Variants in CC2D2A observed in about 807,000 individuals in gnomAD.
The protein encoded by CC2D2A is coiled-coil and C2 domain containing 2A.
In CC2D2A, 155 loss-of-function variants were observed where a neutral mutation model predicts 212.9. That is an observed-to-expected ratio of 0.73 (90% CI 0.64 to 0.83). CC2D2A has a LOEUF of 0.83. Among genes scored for constraint, CC2D2A ranks in the 40% least tolerant of loss-of-function variants. CC2D2A has a pLI of 0.00. For synonymous variants in CC2D2A, 667 were observed against 686.5 expected (o/e 0.97, Z 0.44); for missense variants, 1,856 against 1,956.2 (o/e 0.95, Z 0.97).
At position 15,527,450 on chromosome 4, in the gene CC2D2A, G is replaced by A. The variant is rs1401215213; in HGVS notation, c.1153G>A (p.Val385Ile). The A allele has an allele frequency of 6.8e-6, 11 of 1,611,586 alleles. No individual in the cohort carries two copies. Among genetic ancestry groups the A allele is most frequent in the South Asian group, 1.1e-5 (1 of 90,680 alleles). ...TACACTCTGCTTTCCTTGGCAGGCT[G>A]TAAAATACGTTCACAGTAGTCAGCA... ...AELETLYKKA[V>I]KYVHSSQHVI... The change falls in exon 12 of 37, where the codon GTA (valine) becomes ATA (isoleucine). Residue 385 changes from valine (V) to isoleucine (I), a missense_variant. Around this residue, in one of 5 missense-constraint regions of CC2D2A, gnomAD observed 1,512 missense variants for 1,579.3 expected, o/e 0.96. Coordinates refer to ENST00000424120, the MANE Select transcript of CC2D2A (RefSeq NM_001378615.1).
At chr4:15,584,681 A>G (rs1720788914) in intron 30 of CC2D2A, among the ~76,000 whole-genome samples, 1 of 152,220 alleles carries the variant, frequency 6.6e-6, no homozygotes, top group Non-Finnish European at 1.5e-5. Context: ...TCTGCACAGC[A>G]AAGGAAACAA....
At position 15,534,530 on chromosome 4, in the gene CC2D2A, T is replaced by C. The variant is rs182628649; in HGVS notation, c.1607+1197T>C. 8.4e-4 allele frequency among the ~76,000 whole-genome samples: 128 copies of C among 152,332 alleles called. 1 individual carries two copies. Among genetic ancestry groups the C allele is most frequent in the South Asian group, 5.0e-3 (24 of 4,832 alleles). ...ATAATATTTCTGCTACCTAATTCAC[T>C]AGACTTTTATATATGCTTAAGAGTA... On this transcript the variant is annotated intron_variant, in intron 14 of 36. Coordinates refer to ENST00000424120, the MANE Select transcript of CC2D2A (RefSeq NM_001378615.1).
At chr4:15,502,347 G>A in intron 4 of CC2D2A, 82 bp from the exon 5 acceptor site, 2 of 1,064,344 alleles carry the variant, frequency 1.9e-6, no homozygotes, top group Admixed American at 2.8e-5. Flanking sequence ...TTGGGGGGAG[G>A]GAATTGTTTT....
intron 21 of CC2D2A, among the ~76,000 whole-genome samples, chr4:15,557,816 G>C (rs369621606): frequency 7.9e-5 from 12 of 152,304 alleles, no homozygotes; most frequent in Middle Eastern, 3.4e-3. Flanking sequence ...AATATGGCTA[G>C]TTAATTATTA....
chr4:15,533,086 A>C, intron 13 of CC2D2A, 107 bp from the exon 14 acceptor site: 1 of 866,766 alleles, frequency 1.2e-6, no homozygotes, highest in Non-Finnish European at 1.7e-6. Context: ...TTGTTTCAAA[A>C]TACGGTAGCT....
At chr4:15,473,144 T>C (rs926662469) in intron 1 of CC2D2A, 3 of 152,206 alleles carry the variant, frequency 2.0e-5, no homozygotes, top group Non-Finnish European at 2.9e-5. Context: ...CAAGTATATA[T>C]TGAATGTCCA....
At chr4:15,591,516 G>A (rs1410808377) in intron 33 of CC2D2A, among the ~76,000 whole-genome samples, 2 of 152,136 alleles carry the variant, frequency 1.3e-5, no homozygotes, top group East Asian at 3.9e-4. Flanking sequence ...ACCGTGCCCA[G>A]CCCCATCAAC....
intron 17 of CC2D2A, among the ~76,000 whole-genome samples, chr4:15,542,206 G>C (rs1287050185): frequency 2.0e-5 from 3 of 152,138 alleles, no homozygotes; most frequent in African/African-American, 7.2e-5. Flanking sequence ...CGCATTCTGA[G>C]TTTCTGGGCG....
intron 2 of CC2D2A, 69 bp downstream of exon 2, chr4:15,476,040 G>A: frequency 7.1e-7 from 1 of 1,414,094 alleles, no homozygotes; most frequent in Non-Finnish European, 9.7e-7. Flanking sequence ...ACGTGTTTGT[G>A]AATGAGGAAG....
chr4:15,553,584 C>A (rs1202430439), intron 19 of CC2D2A, among the ~76,000 whole-genome samples: 2 of 152,202 alleles, frequency 1.3e-5, no homozygotes, highest in Admixed American at 1.3e-4. Flanking sequence ...GAGGTATTCT[C>A]TCCCCTATTT....
chr4:15,528,907 AT>A (rs1266513812), intron 13 of CC2D2A, among the ~76,000 whole-genome samples, 181 bp downstream of exon 13: 2 of 152,204 alleles, frequency 1.3e-5, no homozygotes, highest in African/African-American at 4.8e-5. Context: ...GTGAATGAGG[AT>A]GTAAGGAAAT....
In CC2D2A at chr4:15,599,283, T is replaced by C. The variant is rs543430814; in HGVS notation, c.4497-246T>C. 3.9e-4 allele frequency among the ~76,000 whole-genome samples: 59 copies of C among 152,346 alleles called. 1 individual carries two copies. Among genetic ancestry groups the C allele is most frequent in the African/African-American group, 1.4e-3 (57 of 41,574 alleles). On this transcript the variant is annotated intron_variant, in intron 35 of 36. Coordinates refer to ENST00000424120, the MANE Select transcript of CC2D2A (RefSeq NM_001378615.1). ...TCTGTTATAGCTCTTAGGATACACA[T>C]ACTTTCTATTTATAGGACTATTTCC...
chr4:15,492,987 A>C, intron 4 of CC2D2A: 1 of 441,958 alleles, frequency 2.3e-6, no homozygotes, highest in South Asian at 1.8e-5. Flanking sequence ...ATGCTTAATT[A>C]TTTAGGATGA....
At chr4:15,566,462 T>C (rs745391327) in intron 24 of CC2D2A, among the ~76,000 whole-genome samples, 2 of 151,624 alleles carry the variant, frequency 1.3e-5, no homozygotes, top group Non-Finnish European at 2.9e-5. Flanking sequence ...GAAAGGCAGG[T>C]CCCCCATTCA....
At chr4:15,593,071 T>G (rs553006306) in intron 33 of CC2D2A, among the ~76,000 whole-genome samples, 5 of 152,324 alleles carry the variant, frequency 3.3e-5, no homozygotes, top group African/African-American at 1.2e-4. Flanking sequence ...AATAACTAAC[T>G]AAATAGTATC....
intron 32 of CC2D2A, among the ~76,000 whole-genome samples, chr4:15,588,333 A>G (rs1720943487): frequency 6.6e-6 from 1 of 152,134 alleles, no homozygotes. Flanking sequence ...TTTCATGCCT[A>G]CTGCTTCTAT....
At chr4:15,554,978 G>A (rs1719204911) in intron 19 of CC2D2A, 94 bp from the exon 20 acceptor site, 1 of 1,270,102 alleles carries the variant, frequency 7.9e-7, no homozygotes, top group South Asian at 1.4e-5. Flanking sequence ...GAGGATAATA[G>A]CTTCCTCAAG....
Position 15,599,547 on chromosome 4 carries a change from AG to A in CC2D2A, c.4516del (p.Glu1506LysfsTer11). ...LQDRIEKILK[E>X]KIMDWRPRHL... ...TGAACAGGATTGAAAAAATACTAAAAGAAAAAATCATGGACTGGAGGCCACG... is the reference window on the plus strand; with the variant it reads ...TGAACAGGATTGAAAAAATACTAAAAAAAAAATCATGGACTGGAGGCCACG... On this transcript the variant is annotated frameshift_variant, in exon 36 of 37. Coordinates refer to ENST00000424120, the MANE Select transcript of CC2D2A (RefSeq NM_001378615.1). LOFTEE classifies it high-confidence loss of function. 1.9e-6 allele frequency: 3 copies of A among 1,567,118 alleles called. No individual in the cohort carries two copies. Among genetic ancestry groups the A allele is most frequent in the Non-Finnish European group, 2.6e-6 (3 of 1,153,022 alleles).
At chr4:15,551,086 T>C in intron 18 of CC2D2A, 106 bp downstream of exon 18, 5 of 1,023,354 alleles carry the variant, frequency 4.9e-6, no homozygotes, top group Non-Finnish European at 6.6e-6. Flanking sequence ...AAAATTGATA[T>C]CAAAAATTCA....
Sources: allele counts gnomAD v4.1 joint callset (sites outside exome capture counted in the v4.1 genomes callset), GRCh38; gene constraint gnomAD v4.1.1; regional missense constraint gnomAD v4.1.1; transcripts MANE v1.5; gene names NCBI Gene and HGNC (gene_info 2026-07-23, HGNC 2026-07-21).